UBE2W: variants seen among roughly 807,000 people sequenced by gnomAD.
UBE2W encodes the protein ubiquitin-conjugating enzyme E2 W.
In UBE2W, 18 loss-of-function variants were observed where a neutral mutation model predicts 27.2. That is an observed-to-expected ratio of 0.66 (90% CI 0.46 to 0.98). UBE2W has a LOEUF of 0.98. Ranked by LOEUF, UBE2W falls within the 50% of genes least tolerant of loss-of-function variation. The pLI is 0.00. For missense variants in UBE2W, 90 were observed against 180.2 expected (o/e 0.50, Z 2.87); for synonymous variants, 53 against 57.2 (o/e 0.93, Z 0.33).
At chr8:73,805,472 C>CAAAAAAAAAAAACAAAACAAACAAAA in intron 5 of UBE2W, among the ~76,000 whole-genome samples, 179 bp downstream of exon 5, 1 of 43,676 alleles carries the variant, frequency 2.3e-5, no homozygotes, top group Non-Finnish European at 5.0e-5. Context: ...AAAAAAAAAA[C>CAAAAAAAAAAAACAAAACAAACAAAA]AAAAAAAACT....
intron 3 of UBE2W, among the ~76,000 whole-genome samples, chr8:73,811,460 T>C (rs1008795721): frequency 6.6e-6 from 1 of 152,180 alleles, no homozygotes; most frequent in Non-Finnish European, 1.5e-5. Context: ...TCTGTAAGCA[T>C]AGTCCAAAGT....
intron 1 of UBE2W, among the ~76,000 whole-genome samples, chr8:73,864,750 TGGGGGGGGGG>T (rs71269956): frequency 1.1e-5 from 1 of 88,550 alleles, no homozygotes. Context: ...CAAATTTTTT[TGGGGGGGGGG>T]GGCGGGGGGG....
At chr8:73,796,654 A>G (rs1337297054) in intron 5 of UBE2W, 2 of 985,000 alleles carry the variant, frequency 2.0e-6, no homozygotes, top group African/African-American at 1.7e-5. Context: ...TAACAGCTAG[A>G]TCAACAGGGA....
At chr8:73,838,958 G>T (rs895380918) in intron 1 of UBE2W, among the ~76,000 whole-genome samples, 3 of 152,092 alleles carry the variant, frequency 2.0e-5, no homozygotes, top group South Asian at 2.1e-4. Context: ...AAACCTCTAG[G>T]GGGTATTTGG....
chr8:73,855,390 CTTTCTTTTTTTT>C (rs1304263155), intron 1 of UBE2W, among the ~76,000 whole-genome samples: 2 of 134,976 alleles, frequency 1.5e-5, no homozygotes, highest in Non-Finnish European at 3.1e-5. Flanking sequence ...TTATATTCTA[CTTTCTTTTTTTT>C]TTTTTTTTTT....
rs1260225278 is a variant in UBE2W, at chr8:73,866,286, AAAAAAT to A, written c.15+12516_15+12521del. Among the ~76,000 whole-genome samples, 4 of 89,752 alleles carry A rather than the reference AAAAAAT, an allele frequency of 4.5e-5. No homozygotes were observed. In the East Asian group the frequency reaches 8.0e-4, roughly 18 times the overall value. The allele number at this position is 89,752 out of a possible 152,430, so 58.9% of individuals were successfully genotyped here. The stretch of plus-strand genomic sequence containing the variant: ...CTTGGTCTAAAAAAAAAAAAAAAAA[AAAAAAT>A]ATATATATATATATATATATATATA... On this transcript the variant is annotated intron_variant, in intron 1 of 5. Coordinates refer to ENST00000602593, the MANE Select transcript of UBE2W (RefSeq NM_018299.6).
chr8:73,856,945 G>A (rs1811326956), intron 1 of UBE2W, among the ~76,000 whole-genome samples: 1 of 152,092 alleles, frequency 6.6e-6, no homozygotes, highest in African/African-American at 2.4e-5. Flanking sequence ...GGTCTCAAGT[G>A]ATCCGCCCAC....
rs1039857827 is a variant in UBE2W, at chr8:73,787,870, ACACT to A, written c.*6228_*6231del. 2 of 985,292 alleles carry A rather than the reference ACACT, an allele frequency of 2.0e-6. No homozygotes were observed. The highest frequency in any genetic ancestry group is 1.7e-5 in the African/African-American group (1 of 57,236). 61.0% of individuals were successfully genotyped at this position (985,292 alleles called of 1,614,324 possible). A position where few individuals can be genotyped will look rare whatever the true frequency, so the allele number is the denominator to read the frequency against. On this transcript the variant is annotated 3_prime_UTR_variant, in exon 6 of 6. Transcript: ENST00000602593. ...GTCTCCATTTCCATCTTCACTGAAA[ACACT>A]CAGTCTTTAGTTGGGACTTATTAAA...
rs574713995 is a variant in UBE2W at position 73,820,801 on chromosome 8, C to A, written c.210+4346G>T. ...CAAACAAAAAAACAAAATAAAAAAA[C>A]CAAGCCAGGCATGGCGGCAGATGGC... On this transcript the variant is annotated intron_variant, in intron 3 of 5. Transcript: ENST00000602593. Among the ~76,000 whole-genome samples, 26 of 151,588 alleles carry A rather than the reference C, an allele frequency of 1.7e-4. No homozygotes were observed. In the South Asian group the frequency reaches 4.6e-3, roughly 27 times the overall value.
chr8:73,865,181 A>AAAC (rs1491429242), intron 1 of UBE2W, among the ~76,000 whole-genome samples: 1 of 62,966 alleles, frequency 1.6e-5, no homozygotes, highest in Non-Finnish European at 3.1e-5. Flanking sequence ...TGCAAACGTC[A>AAAC]AAAAAAAAAA....
Position 73,791,697 on chromosome 8 carries a change from T to G in UBE2W, c.*2405A>C. ...CAAGGAGTTTTCAATGATTCCTAAA[T>G]TCAAGAGAGTGTTGTTAGCCTGATT... On this transcript the variant is annotated 3_prime_UTR_variant, in exon 6 of 6. Coordinates refer to ENST00000602593, the MANE Select transcript of UBE2W (RefSeq NM_018299.6). 1 of 985,238 alleles carries G rather than the reference T, an allele frequency of 1.0e-6. No individual in the cohort carries two copies. The highest frequency in any genetic ancestry group is 1.2e-6 in the Non-Finnish European group (1 of 829,754). The allele number at this position is 985,238 out of a possible 1,614,324, so 61.0% of individuals were successfully genotyped here. A position where few individuals can be genotyped will look rare whatever the true frequency, so the allele number is the denominator to read the frequency against.
At chr8:73,861,826 T>C (rs939819886) in intron 1 of UBE2W, among the ~76,000 whole-genome samples, 5 of 152,182 alleles carry the variant, frequency 3.3e-5, no homozygotes, top group African/African-American at 1.2e-4. Context: ...CTATTTTGTT[T>C]GTTGTATAAA....
At chr8:73,859,015 T>TG (rs1397222994) in intron 1 of UBE2W, among the ~76,000 whole-genome samples, 7 of 142,680 alleles carry the variant, frequency 4.9e-5, no homozygotes, top group African/African-American at 1.8e-4. Flanking sequence ...TGTGTGTGTG[T>TG]GTGGTGGTTT....
At chr8:73,831,145 G>T in intron 1 of UBE2W, 1 of 427,382 alleles carries the variant, frequency 2.3e-6, no homozygotes, top group South Asian at 2.2e-5. Flanking sequence ...AGTAATAGTA[G>T]TTCTGGCAGC....
chr8:73,836,237 TA>T (rs964111095), intron 1 of UBE2W, among the ~76,000 whole-genome samples: 1 of 152,052 alleles, frequency 6.6e-6, no homozygotes, highest in Non-Finnish European at 1.5e-5. Flanking sequence ...ATTATTACAT[TA>T]AAAAAAGACA....
chr8:73,822,631 A>AAAAAAAAAAT (rs1563593366), intron 3 of UBE2W, among the ~76,000 whole-genome samples: 2 of 141,694 alleles, frequency 1.4e-5, no homozygotes, highest in Non-Finnish European at 3.0e-5. Flanking sequence ...AAAAAAAAAA[A>AAAAAAAAAAT]AAATTAGCTG....
intron 3 of UBE2W, among the ~76,000 whole-genome samples, chr8:73,821,556 T>TGTGG (rs1210664777): frequency 5.2e-4 from 4 of 7,724 alleles, no homozygotes; most frequent in African/African-American, 2.0e-3. Context: ...AGTGTGTGTG[T>TGTGG]GGGGGGGGGG....
At chr8:73,839,964 G>A (rs1316620375) in intron 1 of UBE2W, among the ~76,000 whole-genome samples, 1 of 151,854 alleles carries the variant, frequency 6.6e-6, no homozygotes, top group East Asian at 1.9e-4. Context: ...TCGAACTCCT[G>A]GCCTCCAGTG....
At chr8:73,797,885 A>G (rs1014593620) in intron 5 of UBE2W, among the ~76,000 whole-genome samples, 1 of 152,228 alleles carries the variant, frequency 6.6e-6, no homozygotes, top group African/African-American at 2.4e-5. Flanking sequence ...CCCTAAATCC[A>G]AAATCTGAAA....
Sources: gnomAD v4.1 joint callset for allele counts (sites outside exome capture counted in the v4.1 genomes callset) on GRCh38, gnomAD v4.1.1 for gene constraint, MANE v1.5 for transcripts, NCBI Gene and HGNC (gene_info 2026-07-23, HGNC 2026-07-21) for gene names.